Variants in FAM47E observed in about 807,000 individuals in gnomAD.
FAM47E encodes family with sequence similarity 47 member E.
Under a neutral mutation model 41.6 loss-of-function variants are expected in FAM47E, and 32 were observed. The ratio of observed to expected loss-of-function variants is 0.77; its 90% CI spans 0.58 to 1.03. FAM47E has a LOEUF of 1.03. FAM47E is among the 50% of genes least tolerant of loss of function. FAM47E has a pLI of 0.00. For synonymous variants in FAM47E, 184 were observed against 188.7 expected, an observed-to-expected ratio of 0.98 and a Z score of 0.20; for missense variants, 424 against 485.4, an observed-to-expected ratio of 0.87 and a Z score of 1.19.
intron 5 of FAM47E, among the ~76,000 whole-genome samples, chr4:76,274,195 T>A (rs1254444176): frequency 6.6e-6 from 1 of 152,224 alleles, no homozygotes; most frequent in Non-Finnish European, 1.5e-5. Context: ...GTTGACTATT[T>A]GTATTCCTAT....
chr4:76,281,251 A>T (rs11097320), intron 7 of FAM47E: 110,255 of 152,064 alleles, frequency 0.73, 40,542 homozygotes, highest in Middle Eastern at 0.83. Context: ...TAGCTGATAC[A>T]GCTAGCAAAT....
chr4:76,215,111 C>T (rs1235187813), intron 1 of FAM47E, among the ~76,000 whole-genome samples: 2 of 152,370 alleles, frequency 1.3e-5, no homozygotes, highest in African/African-American at 2.4e-5. Flanking sequence ...CCTTAGGAAG[C>T]TGGCCTTTGC....
upstream of FAM47E, among the ~76,000 whole-genome samples, chr4:76,248,012 C>T (rs1161131782): frequency 3.5e-5 from 5 of 142,986 alleles, no homozygotes; most frequent in Admixed American, 3.0e-4. Flanking sequence ...CCTCCTGGGT[C>T]GACGCCATTC....
In FAM47E at chr4:76,256,382, G is replaced by A; in HGVS notation, c.279G>A (p.Lys93=). 1 of 1,552,058 alleles carries A rather than the reference G, an allele frequency of 6.4e-7. No individual in the cohort carries two copies. Among genetic ancestry groups the A allele is most frequent in the Non-Finnish European group, 8.7e-7 (1 of 1,147,260 alleles). ...PQLAPKKRQI[K]LLKEADVLSK... ...TGGCCCCAAAGAAGAGGCAGATCAA[G>A]CTGCTCAAGGAAGCAGACGTGCTTT... The change falls in exon 2 of 8, where the codon AAG becomes AAA. Residue 93 remains lysine, a synonymous_variant. Coordinates refer to ENST00000424749, the MANE Select transcript of FAM47E (RefSeq NM_001136570.3).
chr4:76,243,440 C>T (rs994111930), intron 2 of FAM47E, among the ~76,000 whole-genome samples: 2 of 152,162 alleles, frequency 1.3e-5, no homozygotes, highest in African/African-American at 4.8e-5. Context: ...GTTCCTATTA[C>T]TGCAAACTAA....
chr4:76,282,204 T>C (rs1364010547), intron 7 of FAM47E: 1 of 152,140 alleles, frequency 6.6e-6, no homozygotes, highest in Admixed American at 6.5e-5. Flanking sequence ...ACAGTAACAG[T>C]TGCCACAAAA....
At chr4:76,263,179 C>T (rs1202614180) in intron 2 of FAM47E, among the ~76,000 whole-genome samples, 1 of 152,126 alleles carries the variant, frequency 6.6e-6, no homozygotes, top group Non-Finnish European at 1.5e-5. Context: ...TAGTGGTATG[C>T]GTTTATACAT....
chr4:76,274,734 G>T (rs1015175282), intron 5 of FAM47E, among the ~76,000 whole-genome samples: 6 of 152,144 alleles, frequency 3.9e-5, no homozygotes, highest in Non-Finnish European at 5.9e-5. Flanking sequence ...CTGTGTAAGT[G>T]CTGGACACTG....
At chr4:76,219,708 C>A (rs1268612224) in intron 2 of FAM47E, among the ~76,000 whole-genome samples, 2 of 151,702 alleles carry the variant, frequency 1.3e-5, no homozygotes, top group East Asian at 3.9e-4. Context: ...GATATTTGGC[C>A]AGAGATAGGG....
At chr4:76,277,043 G>A (rs1241692605) in intron 5 of FAM47E, among the ~76,000 whole-genome samples, 1 of 152,168 alleles carries the variant, frequency 6.6e-6, no homozygotes, top group Non-Finnish European at 1.5e-5. Context: ...ACTCCCTTTT[G>A]TGGTGAGACA....
intron 2 of FAM47E, among the ~76,000 whole-genome samples, chr4:76,235,106 A>G (rs1415917626): frequency 6.6e-6 from 1 of 152,166 alleles, no homozygotes; most frequent in African/African-American, 2.4e-5. Flanking sequence ...TCACGAGGTC[A>G]GGAGATAGAG....
chr4:76,251,608 C>A (rs571187359), upstream of FAM47E: 523 of 1,344,202 alleles, frequency 3.9e-4, 1 homozygote, highest in Middle Eastern at 4.5e-3. Flanking sequence ...GGGGTTGGAC[C>A]GCGCAGCGGG....
At chr4:76,272,538 G>T (rs1734934454) in intron 5 of FAM47E, among the ~76,000 whole-genome samples, 1 of 152,124 alleles carries the variant, frequency 6.6e-6, no homozygotes, top group African/African-American at 2.4e-5. Context: ...GAACACATTT[G>T]CCAACCTATT....
intron 2 of FAM47E, among the ~76,000 whole-genome samples, chr4:76,228,716 C>A (rs1733443094): frequency 7.4e-6 from 1 of 134,802 alleles, no homozygotes; most frequent in Admixed American, 7.1e-5. Context: ...GTTGAGAAAC[C>A]TGCTATTAAT....
chr4:76,234,578 C>T (rs1365862939), intron 2 of FAM47E: 1 of 152,148 alleles, frequency 6.6e-6, no homozygotes, highest in East Asian at 1.9e-4. Flanking sequence ...CTGCAAACAG[C>T]GTGAACTTCC....
chr4:76,264,500 A>G (rs912412945), intron 3 of FAM47E, among the ~76,000 whole-genome samples: 1 of 152,108 alleles, frequency 6.6e-6, no homozygotes, highest in Non-Finnish European at 1.5e-5. Context: ...TTTGTAACAC[A>G]TTCTTGATTC....
chr4:76,225,521 G>A (rs1049209272), intron 2 of FAM47E, among the ~76,000 whole-genome samples: 4 of 152,166 alleles, frequency 2.6e-5, no homozygotes, highest in African/African-American at 9.7e-5. Context: ...TTGGCTGTGG[G>A]TTTGTCATAG....
rs772955536 is a variant in FAM47E at position 76,274,937 on chromosome 4, T to C, written c.871-3132T>C. 5.3e-5 allele frequency among the ~76,000 whole-genome samples: 8 copies of C among 152,198 alleles called. No homozygotes were observed. The South Asian group carries it at 6.2e-4, about 12-fold the overall frequency. On this transcript the variant is annotated intron_variant, in intron 5 of 7. Coordinates refer to ENST00000424749, the MANE Select transcript of FAM47E (RefSeq NM_001136570.3). ...CTGTCATCTCAATTCAGAGAGTCCATTGGGCTCCTCCTGGGCTCTCCCTGA... is the reference window on the plus strand; with the variant it reads ...CTGTCATCTCAATTCAGAGAGTCCACTGGGCTCCTCCTGGGCTCTCCCTGA...
intron 2 of FAM47E, among the ~76,000 whole-genome samples, chr4:76,260,499 C>T (rs1734362643): frequency 6.6e-6 from 1 of 152,110 alleles, no homozygotes; most frequent in Admixed American, 6.5e-5. Flanking sequence ...GCTGGGAAAA[C>T]TGGCTAGCTG....
Sources: gnomAD v4.1 joint callset for allele counts (sites outside exome capture counted in the v4.1 genomes callset) on GRCh38, gnomAD v4.1.1 for gene constraint, MANE v1.5 for transcripts, NCBI Gene and HGNC (gene_info 2026-07-23, HGNC 2026-07-21) for gene names.